The following RAP1GDS1 variants were observed in gnomAD, a reference collection of about 807,000 sequenced individuals.
The protein encoded by RAP1GDS1 is Rap1 GTPase-GDP dissociation stimulator 1.
RAP1GDS1 carries 35 observed loss-of-function variants against 71.1 expected under a neutral mutation model. The observed-to-expected ratio is 0.49, with a 90% CI of 0.38 to 0.65. The LOEUF is 0.65. Ranked by LOEUF, RAP1GDS1 falls within the 30% of genes least tolerant of loss-of-function variation. The probability of loss-of-function intolerance (pLI) is 0.00; values close to 1 mark genes in which losing one functional copy is unlikely to be tolerated. For missense variants in RAP1GDS1, 663 were observed against 706.1 expected, an observed-to-expected ratio of 0.94 and a Z score of 0.69; for synonymous variants, 229 against 243.1, an observed-to-expected ratio of 0.94 and a Z score of 0.54.
intron 2 of RAP1GDS1, among the ~76,000 whole-genome samples, chr4:98,333,378 G>A (rs1734270183): frequency 6.6e-6 from 1 of 151,918 alleles, no homozygotes; most frequent in Non-Finnish European, 1.5e-5. Flanking sequence ...ACTGTTCATT[G>A]TATATCAGTA....
At chr4:98,280,860 A>G (rs996759321) in intron 1 of RAP1GDS1, among the ~76,000 whole-genome samples, 18 of 152,348 alleles carry the variant, frequency 1.2e-4, no homozygotes, top group African/African-American at 3.6e-4. Context: ...CGTTTATTAA[A>G]TAGGGAATCC....
chr4:98,410,364 A>G (rs958026774), intron 7 of RAP1GDS1, among the ~76,000 whole-genome samples: 4 of 152,184 alleles, frequency 2.6e-5, no homozygotes, highest in Non-Finnish European at 5.9e-5. Context: ...AAATAAAACC[A>G]CAATAAAATA....
chr4:98,441,600 T>C, intron 14 of RAP1GDS1: 2 of 985,098 alleles, frequency 2.0e-6, no homozygotes, highest in Non-Finnish European at 2.4e-6. Flanking sequence ...GTCTCGTTTT[T>C]CTTTTTAAAA....
rs577327315 is a variant in RAP1GDS1 at position 98,401,100 on chromosome 4, G to A, written c.638-3377G>A. ...TCCCAAGTATTACAGTGATGTTATCGTCCCATGTGGCATGCTTTCAAGAAG... is the reference window on the plus strand; with the variant it reads ...TCCCAAGTATTACAGTGATGTTATCATCCCATGTGGCATGCTTTCAAGAAG... On this transcript the variant is annotated intron_variant, in intron 6 of 14. Transcript: ENST00000408927. Among the ~76,000 whole-genome samples the A allele has an allele frequency of 4.6e-5, 7 of 152,264 alleles. No individual in the cohort carries two copies. In the East Asian group the frequency reaches 5.8e-4, roughly 13 times the overall value.
At chr4:98,409,809 T>TA (rs969571987) in intron 7 of RAP1GDS1, 1 of 303,964 alleles carries the variant, frequency 3.3e-6, no homozygotes, top group South Asian at 3.4e-5. Flanking sequence ...AAAAAGTATA[T>TA]AAAAAATTAA....
At chr4:98,304,639 A>G (rs372090293) in intron 2 of RAP1GDS1, among the ~76,000 whole-genome samples, 27 of 152,096 alleles carry the variant, frequency 1.8e-4, no homozygotes, top group African/African-American at 6.3e-4. Flanking sequence ...CCCATTCTGT[A>G]GGTGGTCAGT....
chr4:98,313,194 C>G (rs6831490), intron 2 of RAP1GDS1, among the ~76,000 whole-genome samples: 21,040 of 149,496 alleles, frequency 0.14, 2,091 homozygotes, highest in African/African-American at 0.28. Context: ...TGCAGTTCAA[C>G]TCTGAAGACT....
chr4:98,435,602 C>A (rs1479104129), intron 13 of RAP1GDS1, among the ~76,000 whole-genome samples: 1 of 152,048 alleles, frequency 6.6e-6, no homozygotes, highest in Non-Finnish European at 1.5e-5. Flanking sequence ...GAAGAAAATC[C>A]AGGTATAATT....
At chr4:98,272,993 G>T (rs1334985606) in intron 1 of RAP1GDS1, among the ~76,000 whole-genome samples, 1 of 152,134 alleles carries the variant, frequency 6.6e-6, no homozygotes, top group Non-Finnish European at 1.5e-5. Context: ...ACCAGAGAAT[G>T]GTCGACATTG....
chr4:98,393,225 T>TAAC (rs1743994818), intron 6 of RAP1GDS1, among the ~76,000 whole-genome samples: 1 of 152,212 alleles, frequency 6.6e-6, no homozygotes, highest in East Asian at 1.9e-4. Flanking sequence ...ATCTTGATTT[T>TAAC]AACATTTTAC....
chr4:98,317,075 G>A (rs571066062), intron 2 of RAP1GDS1, among the ~76,000 whole-genome samples: 1 of 152,064 alleles, frequency 6.6e-6, no homozygotes, highest in Non-Finnish European at 1.5e-5. Flanking sequence ...TTGAGAGGGT[G>A]AATTCTGGTT....
rs1272408703 is a variant in RAP1GDS1, at chr4:98,430,706, A to T, written c.1441-3230A>T. On this transcript the variant is annotated intron_variant, in intron 12 of 14. Transcript: ENST00000408927. ...ATTACACTGGACGTACTTTGGAAAA[A>T]TGCTGTTCTAGAATAAGTTTTTAAA... 2.0e-5 allele frequency among the ~76,000 whole-genome samples: 3 copies of T among 152,294 alleles called. No homozygotes were observed. In the East Asian group the frequency reaches 5.8e-4, roughly 29 times the overall value.
At chr4:98,338,782 G>A (rs1735089066) in intron 2 of RAP1GDS1, among the ~76,000 whole-genome samples, 1 of 151,814 alleles carries the variant, frequency 6.6e-6, no homozygotes, top group Non-Finnish European at 1.5e-5. Flanking sequence ...TTTTTAACTT[G>A]GAGTTTACTA....
intron 2 of RAP1GDS1, among the ~76,000 whole-genome samples, chr4:98,337,498 A>G (rs1373056240): frequency 6.6e-6 from 1 of 152,222 alleles, no homozygotes; most frequent in East Asian, 1.9e-4. Flanking sequence ...ATCTTATTAT[A>G]TGGCCTTATT....
intron 1 of RAP1GDS1, among the ~76,000 whole-genome samples, chr4:98,293,196 A>G (rs1486231154): frequency 1.3e-5 from 2 of 152,206 alleles, no homozygotes; most frequent in African/African-American, 4.8e-5. Context: ...TCTTACACAT[A>G]GCAGAATGAA....
At chr4:98,326,055 T>TGTCTCATC (rs1218805975) in intron 2 of RAP1GDS1, among the ~76,000 whole-genome samples, 1 of 152,226 alleles carries the variant, frequency 6.6e-6, no homozygotes, top group African/African-American at 2.4e-5. Flanking sequence ...TTTCTCAAAG[T>TGTCTCATC]GTCTCATCTG....
At chr4:98,329,559 G>C (rs996781900) in intron 2 of RAP1GDS1, among the ~76,000 whole-genome samples, 2 of 152,018 alleles carry the variant, frequency 1.3e-5, no homozygotes, top group Middle Eastern at 6.3e-3. Flanking sequence ...GGAGGCCAAG[G>C]CAGGCAGATC....
intron 4 of RAP1GDS1, among the ~76,000 whole-genome samples, chr4:98,374,263 G>T (rs542508011): frequency 6.6e-6 from 1 of 152,088 alleles, no homozygotes; most frequent in Non-Finnish European, 1.5e-5. Flanking sequence ...AGTTCGCTGA[G>T]TCTTTTCTTG....
intron 6 of RAP1GDS1, among the ~76,000 whole-genome samples, chr4:98,394,212 T>C (rs536459622): frequency 2.6e-5 from 4 of 152,324 alleles, no homozygotes; most frequent in Admixed American, 2.6e-4. Flanking sequence ...GTTTTGTGTC[T>C]AAATCTTGTA....
Sources: allele counts gnomAD v4.1 joint callset (sites outside exome capture counted in the v4.1 genomes callset), GRCh38; gene constraint gnomAD v4.1.1; transcripts MANE v1.5; gene names NCBI Gene and HGNC (gene_info 2026-07-23, HGNC 2026-07-21).